The following PARD3B variants were observed in gnomAD, a reference collection of about 807,000 sequenced individuals.
The protein encoded by PARD3B is partitioning defective 3 homolog B.
PARD3B carries 103 observed loss-of-function variants against 130.2 expected under a neutral mutation model. That is an observed-to-expected ratio of 0.79 (90% CI 0.67 to 0.93). The LOEUF (loss-of-function observed/expected upper bound fraction) is 0.93, where lower values mean the gene tolerates loss of function less well. PARD3B is among the 40% of genes least tolerant of loss of function. The pLI, the probability that PARD3B is intolerant of heterozygous loss-of-function variation, is 0.00. For missense variants in PARD3B, 1,609 were observed against 1,499.2 expected (o/e 1.07, Z -1.21); for synonymous variants, 583 against 553.2 (o/e 1.05, Z -0.76).
chr2:205,364,836 C>T (rs930288330), intron 18 of PARD3B, among the ~76,000 whole-genome samples: 3 of 152,128 alleles, frequency 2.0e-5, no homozygotes, highest in African/African-American at 4.8e-5. Context: ...AATAATTTCT[C>T]AAGAAGCATG....
intron 20 of PARD3B, among the ~76,000 whole-genome samples, chr2:205,462,138 A>G (rs766583615): frequency 1.3e-5 from 2 of 152,190 alleles, no homozygotes; most frequent in Non-Finnish European, 2.9e-5. Flanking sequence ...GAAAGCTCTC[A>G]TGATTCCTTT....
At chr2:205,377,072 T>C (rs2045086721) in intron 18 of PARD3B, among the ~76,000 whole-genome samples, 1 of 152,188 alleles carries the variant, frequency 6.6e-6, no homozygotes, top group African/African-American at 2.4e-5. Flanking sequence ...ATAACAAGTC[T>C]GTGAAATCAG....
At chr2:205,219,543 A>C (rs1026410219) in intron 15 of PARD3B, among the ~76,000 whole-genome samples, 1 of 152,214 alleles carries the variant, frequency 6.6e-6, no homozygotes, top group African/African-American at 2.4e-5. Flanking sequence ...AGTATTATGT[A>C]CTTCAATTCG....
intron 1 of PARD3B, among the ~76,000 whole-genome samples, chr2:204,583,871 T>C (rs923014302): frequency 6.6e-6 from 1 of 152,246 alleles, no homozygotes; most frequent in Non-Finnish European, 1.5e-5. Context: ...CATTTGACCT[T>C]GTTCAGATCT....
chr2:204,802,133 T>C (rs923946495), intron 2 of PARD3B, among the ~76,000 whole-genome samples: 11 of 151,982 alleles, frequency 7.2e-5, no homozygotes, highest in African/African-American at 2.7e-4. Flanking sequence ...ACGAGGAACT[T>C]AAACAGATTT....
At chr2:205,195,413 G>T (rs367925088) in intron 15 of PARD3B, among the ~76,000 whole-genome samples, 3 of 152,136 alleles carry the variant, frequency 2.0e-5, no homozygotes, top group African/African-American at 7.2e-5. Flanking sequence ...AGAAGTACCA[G>T]GCTAAAGCCA....
chr2:205,377,683 A>G (rs2045115590), intron 18 of PARD3B, among the ~76,000 whole-genome samples: 1 of 151,918 alleles, frequency 6.6e-6, no homozygotes. Flanking sequence ...ATCTTTAACA[A>G]ATGACATGAG....
At chr2:204,588,987 T>TA (rs113161674) in intron 1 of PARD3B, among the ~76,000 whole-genome samples, 8,714 of 151,010 alleles carry the variant, frequency 0.058, 713 homozygotes, top group African/African-American at 0.17. Context: ...GATGCCACAT[T>TA]AAAAAAAAAT....
At chr2:205,422,544 T>C (rs547826238) in intron 19 of PARD3B, among the ~76,000 whole-genome samples, 1 of 152,272 alleles carries the variant, frequency 6.6e-6, no homozygotes, top group Admixed American at 6.5e-5. Flanking sequence ...AAAATCTAAA[T>C]CTTAGTCATG....
intron 20 of PARD3B, among the ~76,000 whole-genome samples, chr2:205,498,426 T>G (rs537457692): frequency 1.7e-4 from 25 of 148,860 alleles, no homozygotes; most frequent in African/African-American, 5.2e-4. Flanking sequence ...TGCTTGAACC[T>G]AGGAGGCAGA....
intron 2 of PARD3B, among the ~76,000 whole-genome samples, chr2:204,814,783 G>A (rs1162089371): frequency 1.3e-5 from 2 of 151,724 alleles, no homozygotes; most frequent in Admixed American, 6.6e-5. Flanking sequence ...TTTAAGAGCA[G>A]GATGAATATT....
chr2:205,240,866 T>A (rs1034432080), intron 15 of PARD3B, among the ~76,000 whole-genome samples: 6 of 152,198 alleles, frequency 3.9e-5, no homozygotes, highest in South Asian at 2.1e-4. Flanking sequence ...AATAAAACAC[T>A]TTAAGTGATC....
chr2:205,209,689 A>T (rs2037517161), intron 15 of PARD3B, among the ~76,000 whole-genome samples: 1 of 151,948 alleles, frequency 6.6e-6, no homozygotes, highest in South Asian at 2.1e-4. Flanking sequence ...TTTGAATGAT[A>T]AAATTTGTTA....
chr2:205,570,337 T>G (rs1017144289), intron 22 of PARD3B, among the ~76,000 whole-genome samples: 1 of 152,200 alleles, frequency 6.6e-6, no homozygotes, highest in African/African-American at 2.4e-5. Context: ...AAAGGGGTCA[T>G]TTTTTAAATC....
chr2:205,434,163 T>A (rs2047432842), intron 19 of PARD3B, among the ~76,000 whole-genome samples: 1 of 152,200 alleles, frequency 6.6e-6, no homozygotes. Context: ...TTCCAACATT[T>A]GTTTTTGTCA....
intron 4 of PARD3B, among the ~76,000 whole-genome samples, chr2:205,058,626 A>T (rs1699879864): frequency 6.6e-6 from 1 of 151,938 alleles, no homozygotes; most frequent in Non-Finnish European, 1.5e-5. Flanking sequence ...TGTTTTTAGT[A>T]ATCATCCTAA....
intron 1 of PARD3B, among the ~76,000 whole-genome samples, chr2:204,581,512 T>A (rs10203725): frequency 0.087 from 13,266 of 151,948 alleles, 1,693 homozygotes; most frequent in African/African-American, 0.28. Context: ...TGTGGGGGTA[T>A]AAAAAGAATT....
At chr2:205,002,916 G>A (rs558669831) in intron 3 of PARD3B, among the ~76,000 whole-genome samples, 7 of 152,180 alleles carry the variant, frequency 4.6e-5, no homozygotes, top group Non-Finnish European at 1.0e-4. Context: ...CATGTGCTGG[G>A]TGGGAGAAAA....
At chr2:205,471,169 C>T (rs1329908041) in intron 20 of PARD3B, among the ~76,000 whole-genome samples, 3 of 152,014 alleles carry the variant, frequency 2.0e-5, no homozygotes, top group Non-Finnish European at 4.4e-5. Context: ...GGCACAGTTT[C>T]CTAGATGTAT....
Sources: allele counts gnomAD v4.1 joint callset (sites outside exome capture counted in the v4.1 genomes callset), GRCh38; gene constraint gnomAD v4.1.1; transcripts MANE v1.5; gene names NCBI Gene and HGNC (gene_info 2026-07-23, HGNC 2026-07-21).